The following USP8 variants were observed in gnomAD, a reference collection of about 807,000 sequenced individuals.
The protein encoded by USP8 is ubiquitin carboxyl-terminal hydrolase 8.
A neutral mutation model predicts 130.0 loss-of-function variants in USP8; 27 were observed. The ratio of observed to expected loss-of-function variants is 0.21; its 90% CI spans 0.15 to 0.29. The LOEUF (loss-of-function observed/expected upper bound fraction) is 0.29. Among genes scored for constraint, USP8 ranks in the 10% least tolerant of loss-of-function variants. The pLI is 1.00. For missense variants in USP8, 1,029 were observed against 1,312.2 expected (o/e 0.78, Z 3.33); for synonymous variants, 392 against 444.1 (o/e 0.88, Z 1.48).
At position 50,499,058 on chromosome 15, in the gene USP8, G is replaced by A; in HGVS notation, c.3327G>A (p.Leu1109=). 1 of 1,611,232 alleles carries A rather than the reference G, an allele frequency of 6.2e-7. No individual in the cohort carries two copies. The highest frequency in any genetic ancestry group is 8.5e-7 in the Non-Finnish European group (1 of 1,178,634). The part of the protein sequence containing the change: ...SAAYILFYTS[L]GPRVTDVAT The stretch of plus-strand genomic sequence containing the variant: ...CTTATATCCTCTTTTATACTTCATT[G>A]GGACCACGAGTAACTGATGTAGCCA... The change falls in exon 20 of 20, where the codon TTG becomes TTA. Residue 1109 remains leucine (L), a synonymous_variant. Coordinates refer to ENST00000307179, the MANE Select transcript of USP8 (RefSeq NM_005154.5).
At chr15:50,434,343 TC>T (rs2050031908) in intron 1 of USP8, among the ~76,000 whole-genome samples, 1 of 151,912 alleles carries the variant, frequency 6.6e-6, no homozygotes, top group Non-Finnish European at 1.5e-5. Flanking sequence ...CCTCAAGCAG[TC>T]CACCTGCCTC....
chr15:50,460,111 C>T (rs1249649974), intron 5 of USP8, among the ~76,000 whole-genome samples: 8 of 150,442 alleles, frequency 5.3e-5, no homozygotes, highest in African/African-American at 2.0e-4. Flanking sequence ...GATTCTCCTG[C>T]CTCAGCTTCC....
intron 12 of USP8, among the ~76,000 whole-genome samples, chr15:50,485,550 A>ATT (rs71424071): frequency 0.037 from 1,034 of 27,818 alleles, 136 homozygotes; most frequent in East Asian, 0.077. Context: ...CAGTTTAGTG[A>ATT]TTTTTTTTTT....
At chr15:50,497,297 T>C in intron 18 of USP8, 66 bp downstream of exon 18, 9 of 1,530,670 alleles carry the variant, frequency 5.9e-6, no homozygotes, top group Non-Finnish European at 7.0e-6. Flanking sequence ...TTCTGTGTAA[T>C]TTATACTTGT....
Position 50,510,678 on chromosome 15 carries a change from T to G in USP8, c.*11590T>G, listed in dbSNP as rs1180229087. 6.6e-6 allele frequency: 1 copy of G among 152,172 alleles called. No individual in the cohort carries two copies. Among genetic ancestry groups the G allele is most frequent in the Non-Finnish European group, 1.5e-5 (1 of 68,028 alleles). 9.4% of individuals were successfully genotyped at this position (152,172 alleles called of 1,614,324 possible). On this transcript the variant is annotated 3_prime_UTR_variant, in exon 20 of 20. Coordinates refer to ENST00000307179, the MANE Select transcript of USP8 (RefSeq NM_005154.5). Reference sequence around the variant, plus strand: ...ATACGTGTGTATAGATGTGCACATATATATGTATAGAGAGTGAAAGTAATA... The same window carrying G: ...ATACGTGTGTATAGATGTGCACATAGATATGTATAGAGAGTGAAAGTAATA...
Position 50,506,010 on chromosome 15 carries a change from T to C in USP8, c.*6922T>C, listed in dbSNP as rs1252046918. On this transcript the variant is annotated 3_prime_UTR_variant, in exon 20 of 20. Coordinates refer to ENST00000307179, the MANE Select transcript of USP8 (RefSeq NM_005154.5). ...AGTTCAGTGATCAGAATTACAGTGT[T>C]CTAAGAGCTTTCCATTTCTTTGGGA... 2 of 152,244 alleles carry C rather than the reference T, an allele frequency of 1.3e-5. No individual in the cohort carries two copies. Among genetic ancestry groups the C allele is most frequent in the East Asian group, 3.8e-4 (2 of 5,206 alleles). 9.4% of individuals were successfully genotyped at this position (152,244 alleles called of 1,614,324 possible). A position where few individuals can be genotyped will look rare whatever the true frequency, so the allele number is the denominator to read the frequency against.
At chr15:50,438,101 T>A (rs2050142788) in intron 1 of USP8, among the ~76,000 whole-genome samples, 2 of 152,216 alleles carry the variant, frequency 1.3e-5, no homozygotes, top group Admixed American at 6.5e-5. Context: ...TCACAAAGTA[T>A]TAATATTTAA....
At position 50,501,692 on chromosome 15, in the gene USP8, A is replaced by G. The variant is rs1467752324; in HGVS notation, c.*2604A>G. On this transcript the variant is annotated 3_prime_UTR_variant, in exon 20 of 20. Coordinates refer to ENST00000307179, the MANE Select transcript of USP8 (RefSeq NM_005154.5). ...TTTTCCATGTCTTTCCTAACCCAGT[A>G]TTGTTTGGAACAAAGGCATTAGAGA... 1 of 152,078 alleles carries G rather than the reference A, an allele frequency of 6.6e-6. No homozygotes were observed. Among genetic ancestry groups the G allele is most frequent in the Non-Finnish European group, 1.5e-5 (1 of 68,016 alleles). 9.4% of individuals were successfully genotyped at this position (152,078 alleles called of 1,614,324 possible).
At position 50,449,418 on chromosome 15, in the gene USP8, C is replaced by T. The variant is rs779520263; in HGVS notation, c.268C>T (p.Leu90Phe). 52 of 1,586,726 alleles carry T rather than the reference C, an allele frequency of 3.3e-5. No homozygotes were observed. Among genetic ancestry groups the T allele is most frequent in the Non-Finnish European group, 4.4e-5 (51 of 1,165,694 alleles). ...ATTTTAGGATTATTTCCATTCAATA[C>T]TTGGACCTGGAAACATCAAAAAAGC... ...KQQQDYFHSI[L>F]GPGNIKKAVE... Residue 90 changes from leucine to phenylalanine, a missense_variant, in exon 4 of 20, where the codon CTT (leucine) becomes TTT (phenylalanine). Physicochemically the swap from Leu to Phe is conservative, Grantham distance 22 (BLOSUM62 0). Around this residue, in one of 4 missense-constraint regions of USP8, gnomAD observed 281 missense variants for 336.7 expected, o/e 0.83. Transcript: ENST00000307179.
chr15:50,485,398 C>T (rs1449538852), intron 12 of USP8, among the ~76,000 whole-genome samples: 1 of 148,996 alleles, frequency 6.7e-6, no homozygotes, highest in African/African-American at 2.5e-5. Context: ...TGCAGTGAGT[C>T]GAGATCGGGC....
rs1291380146 is a variant in USP8, at chr15:50,501,079, C to T, written c.*1991C>T. 1 of 437,828 alleles carries T rather than the reference C, an allele frequency of 2.3e-6. No individual in the cohort carries two copies. The highest frequency in any genetic ancestry group is 4.2e-6 in the Non-Finnish European group (1 of 235,688). 27.1% of individuals were successfully genotyped at this position (437,828 alleles called of 1,614,324 possible). On this transcript the variant is annotated 3_prime_UTR_variant, in exon 20 of 20. Transcript: ENST00000307179. The stretch of plus-strand genomic sequence containing the variant: ...GTGAATAAAGAAAGACAATATTTAG[C>T]AGCATCTGATTAATGTTTATCAGTG...
At chr15:50,424,701 C>A (rs1289617601) in intron 1 of USP8, 187 bp downstream of exon 1, 3 of 391,480 alleles carry the variant, frequency 7.7e-6, no homozygotes. Flanking sequence ...GAGTCTTTTA[C>A]GCCATCTACC....
chr15:50,424,929 G>A (rs865874272), intron 1 of USP8, among the ~76,000 whole-genome samples: 1 of 150,878 alleles, frequency 6.6e-6, no homozygotes, highest in Non-Finnish European at 1.5e-5. Context: ...TGATTTTAGT[G>A]AAGTTTGAGT....
chr15:50,498,650 G>A lies in USP8; in HGVS notation c.3093G>A (p.Pro1031=), dbSNP rs201686033. The part of the protein sequence containing the change: ...KQKLQTSVDF[P]LENLDLSQYV... ...AATTACAGACATCTGTGGACTTCCC[G>A]TTAGAAAATCTTGACTTGTCACAGT... is the stretch of plus-strand genomic sequence containing the variant. Residue 1031 remains proline (P), a synonymous_variant, in exon 19 of 20, where the codon CCG becomes CCA. Transcript: ENST00000307179. The A allele has an allele frequency of 2.4e-5, 38 of 1,612,958 alleles. No homozygotes were observed. In the African/African-American group the frequency reaches 3.9e-4, roughly 16 times the overall value.
At chr15:50,441,605 C>G (rs995074989) in intron 3 of USP8, 112 bp downstream of exon 3, 14 of 858,404 alleles carry the variant, frequency 1.6e-5, no homozygotes, top group Middle Eastern at 7.2e-4. Flanking sequence ...TTATATGCAG[C>G]ATGATCTCAT....
At chr15:50,495,508 C>A (rs971147619) in intron 16 of USP8, among the ~76,000 whole-genome samples, 4 of 149,210 alleles carry the variant, frequency 2.7e-5, no homozygotes, top group African/African-American at 1.0e-4. Context: ...CACTATGTTG[C>A]ACAAGTTGGT....
At chr15:50,470,773 T>C (rs2051348328) in intron 7 of USP8, among the ~76,000 whole-genome samples, 1 of 151,846 alleles carries the variant, frequency 6.6e-6, no homozygotes, top group Non-Finnish European at 1.5e-5. Context: ...CTAATTTTTG[T>C]ATTTAGTAGA....
At chr15:50,496,144 A>C in intron 17 of USP8, 60 bp downstream of exon 17, 1 of 1,339,274 alleles carries the variant, frequency 7.5e-7, no homozygotes, top group South Asian at 1.4e-5. Flanking sequence ...TTTTATGGAT[A>C]TAGAGATGTA....
chr15:50,455,903 AT>A (rs2050774947), intron 4 of USP8, among the ~76,000 whole-genome samples: 1 of 152,178 alleles, frequency 6.6e-6, no homozygotes, highest in Admixed American at 6.5e-5. Context: ...TGGGGTCTTT[AT>A]TGGAATTTTA....
Sources: gnomAD v4.1 joint callset for allele counts (sites outside exome capture counted in the v4.1 genomes callset) on GRCh38, gnomAD v4.1.1 for gene constraint, gnomAD v4.1.1 regional missense constraint, MANE v1.5 for transcripts, NCBI Gene and HGNC (gene_info 2026-07-23, HGNC 2026-07-21) for gene names.